FSHR: variants seen among roughly 807,000 people sequenced by gnomAD.
FSHR encodes the protein follicle-stimulating hormone receptor.
A neutral mutation model predicts 52.1 loss-of-function variants in FSHR; 46 were observed. The ratio of observed to expected loss-of-function variants is 0.88; its 90% CI spans 0.70 to 1.13. FSHR has a LOEUF of 1.13. Ranked by LOEUF, FSHR falls within the 50% of genes most tolerant of loss-of-function variation. The probability of loss-of-function intolerance (pLI) is 0.00; values close to 1 mark genes in which losing one functional copy is unlikely to be tolerated. For synonymous variants in FSHR, 399 were observed against 309.6 expected, an observed-to-expected ratio of 1.29 and a Z score of -3.03; for missense variants, 964 against 834.6, an observed-to-expected ratio of 1.16 and a Z score of -1.91.
chr2:49,109,950 T>A (rs949903358), intron 1 of FSHR, among the ~76,000 whole-genome samples: 3 of 151,844 alleles, frequency 2.0e-5, no homozygotes, highest in Non-Finnish European at 4.4e-5. Flanking sequence ...AGAATGAGAG[T>A]TGGGGCTATG....
chr2:48,967,551 T>C (rs1305802683), intron 9 of FSHR, among the ~76,000 whole-genome samples: 1 of 152,216 alleles, frequency 6.6e-6, no homozygotes, highest in Non-Finnish European at 1.5e-5. Flanking sequence ...GAATTCTGAT[T>C]GTCAGGAAGA....
chr2:49,150,859 T>C (rs1237246339), intron 1 of FSHR, among the ~76,000 whole-genome samples: 1 of 151,976 alleles, frequency 6.6e-6, no homozygotes, highest in Non-Finnish European at 1.5e-5. Context: ...ATGGGCCAAA[T>C]TTGGCTTGCC....
chr2:49,116,749 C>T (rs1436057401), intron 1 of FSHR, among the ~76,000 whole-genome samples: 18 of 151,956 alleles, frequency 1.2e-4, no homozygotes, highest in African/African-American at 4.4e-4. Flanking sequence ...TAATGGGGTA[C>T]AATATGATAG....
At chr2:49,093,944 A>T (rs980902410) in intron 1 of FSHR, among the ~76,000 whole-genome samples, 15 of 152,160 alleles carry the variant, frequency 9.9e-5, no homozygotes, top group Admixed American at 3.3e-4. Context: ...TTTACATAGC[A>T]CATAGTTGAA....
At chr2:49,085,760 T>C (rs1403271269) in intron 1 of FSHR, among the ~76,000 whole-genome samples, 1 of 152,112 alleles carries the variant, frequency 6.6e-6, no homozygotes, top group African/African-American at 2.4e-5. Flanking sequence ...GTGGCACATA[T>C]ACACCATGGA....
At chr2:49,024,098 A>G (rs957490778) in intron 2 of FSHR, among the ~76,000 whole-genome samples, 2 of 152,154 alleles carry the variant, frequency 1.3e-5, no homozygotes, top group Admixed American at 1.3e-4. Flanking sequence ...GAACTGTTTT[A>G]TTCCGAGTAG....
chr2:49,123,757 T>G (rs551152185), intron 1 of FSHR, among the ~76,000 whole-genome samples: 36 of 152,182 alleles, frequency 2.4e-4, no homozygotes, highest in African/African-American at 8.2e-4. Context: ...AGAGAAGGGA[T>G]TCAGTAGAAG....
At chr2:49,117,390 A>G (rs57051560) in intron 1 of FSHR, among the ~76,000 whole-genome samples, 34,150 of 152,120 alleles carry the variant, frequency 0.22, 4,368 homozygotes, top group African/African-American at 0.37. Context: ...CTTTGGCTCT[A>G]CTATCAGGAT....
chr2:48,970,548 A>G (rs1228490666), intron 8 of FSHR, among the ~76,000 whole-genome samples: 1 of 152,132 alleles, frequency 6.6e-6, no homozygotes, highest in Non-Finnish European at 1.5e-5. Flanking sequence ...TTTAAATATT[A>G]GTATATCTTT....
intron 1 of FSHR, among the ~76,000 whole-genome samples, chr2:49,077,131 C>T (rs762738211): frequency 7.2e-5 from 11 of 152,224 alleles, no homozygotes; most frequent in Admixed American, 1.3e-4. Flanking sequence ...TCCATACTGC[C>T]CTAGCAGAGG....
At chr2:49,082,034 C>T (rs1439677787) in intron 1 of FSHR, among the ~76,000 whole-genome samples, 5 of 152,136 alleles carry the variant, frequency 3.3e-5, no homozygotes, top group Admixed American at 6.5e-5. Context: ...CCAAGATGGC[C>T]GAATAGGAAC....
intron 2 of FSHR, among the ~76,000 whole-genome samples, chr2:49,032,714 A>G (rs547744881): frequency 6.6e-6 from 1 of 152,322 alleles, no homozygotes; most frequent in South Asian, 2.1e-4. Flanking sequence ...CCACACAGTG[A>G]GTGAAAGATA....
intron 2 of FSHR, among the ~76,000 whole-genome samples, chr2:49,055,548 A>C (rs1209604628): frequency 2.0e-5 from 3 of 147,904 alleles, no homozygotes; most frequent in Non-Finnish European, 3.0e-5. Flanking sequence ...AAAAAAAAAA[A>C]AAAAAAAAAA....
chr2:49,091,761 G>A (rs1372600573), intron 1 of FSHR, among the ~76,000 whole-genome samples: 1 of 152,148 alleles, frequency 6.6e-6, no homozygotes, highest in Non-Finnish European at 1.5e-5. Flanking sequence ...CCAATGTTAT[G>A]TTTTCTTGAT....
chr2:49,129,423 C>A (rs10190904), intron 1 of FSHR, among the ~76,000 whole-genome samples: 2 of 152,004 alleles, frequency 1.3e-5, no homozygotes, highest in African/African-American at 4.8e-5. Context: ...CTAGAATAGT[C>A]AATAATCAGA....
chr2:49,088,506 C>G (rs1288594522), intron 1 of FSHR, among the ~76,000 whole-genome samples: 1 of 152,154 alleles, frequency 6.6e-6, no homozygotes, highest in East Asian at 1.9e-4. Flanking sequence ...CAGTGATGCC[C>G]TTACTTTTGC....
intron 1 of FSHR, among the ~76,000 whole-genome samples, chr2:49,153,689 G>A (rs1271326883): frequency 6.6e-6 from 1 of 152,048 alleles, no homozygotes; most frequent in Non-Finnish European, 1.5e-5. Context: ...AGATTATCCT[G>A]TATTTCTCCC....
In FSHR at chr2:48,982,995, G is replaced by A. The variant is rs1352465397; in HGVS notation, c.594-9C>T. The A allele has an allele frequency of 1.9e-6, 3 of 1,613,230 alleles. No individual in the cohort carries two copies. The highest frequency in any genetic ancestry group is 1.3e-5 in the African/African-American group (1 of 74,898). On this transcript the variant is annotated splice_polypyrimidine_tract_variant and intron_variant, in intron 7 of 9. Coordinates refer to ENST00000406846, the MANE Select transcript of FSHR (RefSeq NM_000145.4). Reference sequence around the variant, plus strand: ...TATTATCGCTTAGATTCCTGGGGATGGGGTTGAGGAAAGAAGAAGGAAAAC... The same window carrying A: ...TATTATCGCTTAGATTCCTGGGGATAGGGTTGAGGAAAGAAGAAGGAAAAC...
intron 4 of FSHR, among the ~76,000 whole-genome samples, chr2:49,016,345 T>C (rs1395577816): frequency 6.6e-6 from 1 of 152,222 alleles, no homozygotes; most frequent in Non-Finnish European, 1.5e-5. Context: ...TCTTCACCTT[T>C]TGAATCTGGA....
Sources: gnomAD v4.1 joint callset for allele counts (sites outside exome capture counted in the v4.1 genomes callset) on GRCh38, gnomAD v4.1.1 for gene constraint, MANE v1.5 for transcripts, NCBI Gene and HGNC (gene_info 2026-07-23, HGNC 2026-07-21) for gene names.